Variants in GNAQ observed in about 807,000 individuals in gnomAD.
The protein encoded by GNAQ is guanine nucleotide-binding protein G(q) subunit alpha.
Under a neutral mutation model 43.9 loss-of-function variants are expected in GNAQ, and 8 were observed. That is an observed-to-expected ratio of 0.18 (90% confidence interval 0.11 to 0.33). GNAQ has a LOEUF of 0.33. Among genes scored for constraint, GNAQ ranks in the 10% least tolerant of loss-of-function variants. The pLI is 1.00. For synonymous variants in GNAQ, 155 were observed against 170.7 expected (o/e 0.91, Z 0.71); for missense variants, 158 against 450.8 (o/e 0.35, Z 5.88).
intron 5 of GNAQ, among the ~76,000 whole-genome samples, chr9:77,753,950 T>C (rs1004058158): frequency 1.3e-4 from 20 of 152,216 alleles, no homozygotes; most frequent in African/African-American, 4.6e-4. Flanking sequence ...TGTTTGTGTG[T>C]TGGGATAAAG....
chr9:77,979,989 T>C (rs142855342), intron 1 of GNAQ, among the ~76,000 whole-genome samples: 112 of 152,314 alleles, frequency 7.4e-4, no homozygotes, highest in African/African-American at 2.3e-3. Flanking sequence ...TGCCTGTTCC[T>C]AGAGACAAAT....
At chr9:77,873,232 T>C (rs1314624195) in intron 2 of GNAQ, among the ~76,000 whole-genome samples, 1 of 152,188 alleles carries the variant, frequency 6.6e-6, no homozygotes, top group East Asian at 1.9e-4. Flanking sequence ...TGTTTGCACA[T>C]GCAAGGTAGA....
intron 1 of GNAQ, among the ~76,000 whole-genome samples, chr9:77,925,504 A>G (rs1829058534): frequency 6.6e-6 from 1 of 152,086 alleles, no homozygotes; most frequent in Non-Finnish European, 1.5e-5. Flanking sequence ...TTCTCCCTTT[A>G]AGCTAATTTT....
intron 1 of GNAQ, among the ~76,000 whole-genome samples, chr9:78,021,588 A>G (rs986907507): frequency 5.9e-5 from 9 of 152,200 alleles, no homozygotes; most frequent in African/African-American, 2.2e-4. Context: ...AAAGCCCTAG[A>G]AAAGAGACCT....
At chr9:77,938,550 T>G (rs756028182) in intron 1 of GNAQ, among the ~76,000 whole-genome samples, 3 of 151,992 alleles carry the variant, frequency 2.0e-5, no homozygotes, top group Non-Finnish European at 4.4e-5. Flanking sequence ...AATTGTGTGG[T>G]GAAAATGGGC....
At position 77,728,670 on chromosome 9, in the gene GNAQ, GGA is replaced by G; in HGVS notation, c.736-5_736-4del. 6.9e-7 allele frequency: 1 copy of G among 1,440,470 alleles called. No individual in the cohort carries two copies. The allele number at this position is 1,440,470 out of a possible 1,614,324, so 89.2% of individuals were successfully genotyped here. On this transcript the variant is annotated splice_polypyrimidine_tract_variant and splice_region_variant and intron_variant, in intron 5 of 6. Coordinates refer to ENST00000286548, the MANE Select transcript of GNAQ (RefSeq NM_002072.5). ...GCCTTGCTTTCCTCCATTCGGTTCT[GGA>G]AAAAAAAAAAAAATCAGAAAAAACA... is the stretch of plus-strand genomic sequence containing the variant.
chr9:77,963,846 C>T (rs1490368973), intron 1 of GNAQ, among the ~76,000 whole-genome samples: 1 of 152,086 alleles, frequency 6.6e-6, no homozygotes, highest in Non-Finnish European at 1.5e-5. Context: ...ATTAGGCATC[C>T]ACCTTATGGT....
intron 5 of GNAQ, among the ~76,000 whole-genome samples, chr9:77,786,023 TATA>T (rs1185634552): frequency 2.0e-4 from 31 of 152,192 alleles, no homozygotes; most frequent in African/African-American, 7.2e-4. Context: ...GACTCGTGCA[TATA>T]ATAAAACTTG....
chr9:77,947,012 C>T (rs1051704650), intron 1 of GNAQ, among the ~76,000 whole-genome samples: 6 of 152,358 alleles, frequency 3.9e-5, no homozygotes, highest in South Asian at 2.1e-4. Flanking sequence ...CTCCGGGCTA[C>T]GCCCAACTTC....
At chr9:77,877,793 C>T (rs146820375) in intron 2 of GNAQ, among the ~76,000 whole-genome samples, 1 of 152,236 alleles carries the variant, frequency 6.6e-6, no homozygotes, top group East Asian at 1.9e-4. Flanking sequence ...ACAACGCAGA[C>T]CCATCTGCAA....
At chr9:77,815,480 A>C in intron 3 of GNAQ, 136 bp downstream of exon 3, 1 of 542,206 alleles carries the variant, frequency 1.8e-6, no homozygotes, top group Non-Finnish European at 3.2e-6. Flanking sequence ...TAAGTTCAAT[A>C]TCTATATTCC....
At chr9:77,814,037 A>G (rs1280078137) in intron 3 of GNAQ, among the ~76,000 whole-genome samples, 1 of 152,162 alleles carries the variant, frequency 6.6e-6, no homozygotes, top group African/African-American at 2.4e-5. Context: ...GAGAGACATA[A>G]TGAATGGGAA....
chr9:77,745,518 T>C (rs1046777405), intron 5 of GNAQ, among the ~76,000 whole-genome samples: 6 of 151,684 alleles, frequency 4.0e-5, no homozygotes, highest in Non-Finnish European at 5.9e-5. Flanking sequence ...AGGATACTGA[T>C]ACTGACTTAA....
chr9:78,020,213 A>G (rs1272022231), intron 1 of GNAQ, among the ~76,000 whole-genome samples: 2 of 152,188 alleles, frequency 1.3e-5, no homozygotes, highest in Admixed American at 6.5e-5. Flanking sequence ...GCCAAGCAAA[A>G]GCAGATTTCC....
intron 2 of GNAQ, among the ~76,000 whole-genome samples, chr9:77,839,631 GCAT>G (rs1399358373): frequency 1.3e-5 from 2 of 152,236 alleles, no homozygotes; most frequent in Non-Finnish European, 2.9e-5. Flanking sequence ...CTGCCCTGAA[GCAT>G]CATGTGGGCC....
At chr9:77,742,562 C>A (rs377634806) in intron 5 of GNAQ, among the ~76,000 whole-genome samples, 3 of 151,234 alleles carry the variant, frequency 2.0e-5, no homozygotes, top group Non-Finnish European at 4.4e-5. Flanking sequence ...TACTAAGTTA[C>A]GCAGTCAGAA....
At chr9:78,006,923 T>A (rs186274893) in intron 1 of GNAQ, among the ~76,000 whole-genome samples, 26 of 152,320 alleles carry the variant, frequency 1.7e-4, no homozygotes, top group Non-Finnish European at 1.5e-5. Context: ...TTGTGTGTGA[T>A]GTTAGTCCTC....
At chr9:77,789,734 G>C (rs954317967) in intron 5 of GNAQ, among the ~76,000 whole-genome samples, 4 of 151,976 alleles carry the variant, frequency 2.6e-5, no homozygotes, top group Non-Finnish European at 5.9e-5. Flanking sequence ...TTTTAAAAAA[G>C]CTATTGCATA....
chr9:77,764,715 A>G (rs1438281778), intron 5 of GNAQ, among the ~76,000 whole-genome samples: 1 of 152,112 alleles, frequency 6.6e-6, no homozygotes, highest in East Asian at 1.9e-4. Flanking sequence ...TTGGCCTCCT[A>G]AAGTGCTGGG....
Sources: allele counts gnomAD v4.1 joint callset (sites outside exome capture counted in the v4.1 genomes callset), GRCh38; gene constraint gnomAD v4.1.1; transcripts MANE v1.5; gene names NCBI Gene and HGNC (gene_info 2026-07-23, HGNC 2026-07-21).